The following RBFOX1 variants were observed in gnomAD, a reference collection of about 807,000 sequenced individuals.
RBFOX1 encodes RNA binding fox-1 homolog 1.
Under a neutral mutation model 57.7 loss-of-function variants are expected in RBFOX1, and 8 were observed. That is an observed-to-expected ratio of 0.14 (90% CI 0.08 to 0.25). The LOEUF (loss-of-function observed/expected upper bound fraction) is 0.25. Among genes scored for constraint, RBFOX1 ranks in the 10% least tolerant of loss-of-function variants. RBFOX1 has a pLI of 1.00. For missense variants in RBFOX1, 611 were observed against 548.5 expected (o/e 1.11, Z -1.14); for synonymous variants, 326 against 222.4 (o/e 1.47, Z -4.15).
intron 2 of RBFOX1, among the ~76,000 whole-genome samples, chr16:6,647,691 T>TA (rs1568032447): frequency 2.0e-5 from 3 of 152,194 alleles, no homozygotes. Flanking sequence ...TACTACGTGT[T>TA]AAAAATGTTG....
chr16:6,566,644 C>T (rs760264255), intron 2 of RBFOX1, among the ~76,000 whole-genome samples: 4 of 152,060 alleles, frequency 2.6e-5, no homozygotes, highest in African/African-American at 9.7e-5. Flanking sequence ...CATTTTGACC[C>T]CTTTACGCAC....
At chr16:7,090,120 G>C (rs2060583652) in intron 4 of RBFOX1, among the ~76,000 whole-genome samples, 1 of 152,044 alleles carries the variant, frequency 6.6e-6, no homozygotes, top group Admixed American at 6.6e-5. Context: ...CTCTGTTTAA[G>C]AGCTCATCTT....
chr16:6,344,545 C>A (rs571555216), intron 2 of RBFOX1, among the ~76,000 whole-genome samples: 19 of 150,044 alleles, frequency 1.3e-4, no homozygotes, highest in South Asian at 2.1e-4. Flanking sequence ...CTATAGGTAC[C>A]CACCACTGCG....
intron 3 of RBFOX1, among the ~76,000 whole-genome samples, chr16:5,812,574 C>T (rs1217574372): frequency 6.6e-6 from 1 of 151,456 alleles, no homozygotes; most frequent in East Asian, 2.0e-4. Context: ...ATCTTCTCCC[C>T]TTAGCCTTCC....
intron 4 of RBFOX1, among the ~76,000 whole-genome samples, chr16:7,479,482 G>T (rs1200556472): frequency 6.6e-6 from 1 of 152,064 alleles, no homozygotes; most frequent in Non-Finnish European, 1.5e-5. Flanking sequence ...GCCCTTCCTT[G>T]CTTGCAGGAC....
intron 4 of RBFOX1, among the ~76,000 whole-genome samples, chr16:7,053,180 C>A (rs1330380990): frequency 6.6e-6 from 1 of 152,134 alleles, no homozygotes; most frequent in Admixed American, 6.5e-5. Flanking sequence ...TTGTGAAGTA[C>A]TTGGGTAAAA....
At chr16:7,090,135 T>C (rs2060585145) in intron 4 of RBFOX1, among the ~76,000 whole-genome samples, 1 of 152,176 alleles carries the variant, frequency 6.6e-6, no homozygotes. Flanking sequence ...CATCTTGCTT[T>C]AGGAAAATGA....
At chr16:6,360,283 A>G (rs1470654293) in intron 2 of RBFOX1, among the ~76,000 whole-genome samples, 2 of 151,958 alleles carry the variant, frequency 1.3e-5, no homozygotes, top group Non-Finnish European at 2.9e-5. Flanking sequence ...AGACCTGTCC[A>G]TGAAAGATCA....
At chr16:5,716,308 A>T (rs990793934) in intron 3 of RBFOX1, among the ~76,000 whole-genome samples, 1 of 152,236 alleles carries the variant, frequency 6.6e-6, no homozygotes. Flanking sequence ...TTTGTTACAC[A>T]GATAAACTTA....
intron 4 of RBFOX1, among the ~76,000 whole-genome samples, chr16:5,916,891 C>T (rs76617574): frequency 6.6e-6 from 1 of 152,112 alleles, no homozygotes; most frequent in South Asian, 2.1e-4. Context: ...TTTCCCAATG[C>T]CTGGGTGACT....
intron 3 of RBFOX1, among the ~76,000 whole-genome samples, chr16:5,777,918 G>A (rs532837022): frequency 1.3e-5 from 2 of 152,274 alleles, no homozygotes; most frequent in South Asian, 4.1e-4. Context: ...TCAAGGGCTT[G>A]CTTTTATTTC....
chr16:5,517,930 C>CTGTGTGTGTG lies in RBFOX1; in HGVS notation c.258+50700_258+50709dup, dbSNP rs71404527. On this transcript the variant is annotated intron_variant, in intron 2 of 2. Coordinates refer to the RBFOX1 transcript ENST00000585867. ...ATATTTATAAAATATGCAAAAGCTACTGTGTGTGTGTGTGTGTGTGTGTGT... is the reference window on the plus strand; with the variant it reads ...ATATTTATAAAATATGCAAAAGCTACTGTGTGTGTGTGTGTGTGTGTGTGTGTGTGTGTGT... 5.3e-3 allele frequency among the ~76,000 whole-genome samples: 762 copies of CTGTGTGTGTG among 144,172 alleles called. 5 individuals are homozygous for CTGTGTGTGTG. Among genetic ancestry groups the CTGTGTGTGTG allele is most frequent in the African/African-American group, 0.017 (674 of 39,126 alleles). 94.6% of individuals were successfully genotyped at this position (144,172 alleles called of 152,430 possible).
chr16:7,558,181 C>A (rs1222859408), intron 5 of RBFOX1, among the ~76,000 whole-genome samples: 2 of 151,996 alleles, frequency 1.3e-5, no homozygotes, highest in Admixed American at 6.6e-5. Flanking sequence ...TGGCAAAACT[C>A]CATATCCACT....
At chr16:6,903,955 C>G (rs934770312) in intron 3 of RBFOX1, among the ~76,000 whole-genome samples, 2 of 152,054 alleles carry the variant, frequency 1.3e-5, no homozygotes, top group East Asian at 3.9e-4. Context: ...TTTGGAGGTA[C>G]AAATCTGCAA....
intron 3 of RBFOX1, among the ~76,000 whole-genome samples, chr16:5,865,780 G>A (rs1567645012): frequency 6.6e-6 from 1 of 152,168 alleles, no homozygotes; most frequent in South Asian, 2.1e-4. Flanking sequence ...CTCATACTCT[G>A]GAGCCTGAGA....
intron 3 of RBFOX1, among the ~76,000 whole-genome samples, chr16:5,718,728 G>A (rs913534990): frequency 6.6e-6 from 1 of 152,098 alleles, no homozygotes; most frequent in Non-Finnish European, 1.5e-5. Context: ...CCGACATGGT[G>A]GAATCCCATC....
intron 4 of RBFOX1, among the ~76,000 whole-genome samples, chr16:7,109,215 C>T (rs1464257857): frequency 6.6e-6 from 1 of 152,024 alleles, no homozygotes; most frequent in Non-Finnish European, 1.5e-5. Flanking sequence ...ATAAAGGATA[C>T]CAGTAGATTT....
chr16:6,044,794 G>C (rs762964986), intron 1 of RBFOX1, among the ~76,000 whole-genome samples: 1 of 152,232 alleles, frequency 6.6e-6, no homozygotes, highest in African/African-American at 2.4e-5. Context: ...TGAACTGCCT[G>C]TCTGGGACAC....
chr16:6,231,448 T>G (rs951816397), intron 1 of RBFOX1, among the ~76,000 whole-genome samples: 1 of 152,136 alleles, frequency 6.6e-6, no homozygotes, highest in Non-Finnish European at 1.5e-5. Flanking sequence ...TATATAAAGA[T>G]AAGGATAGGG....
Sources: allele counts gnomAD v4.1 joint callset (sites outside exome capture counted in the v4.1 genomes callset), GRCh38; gene constraint gnomAD v4.1.1; transcripts MANE v1.5; gene names NCBI Gene and HGNC (gene_info 2026-07-23, HGNC 2026-07-21).